Variants in VTI1A observed in about 807,000 individuals in gnomAD.
VTI1A encodes the protein vesicle transport through interaction with t-SNAREs 1A, also known as vesicle transport through interaction with t-SNAREs homolog 1A.
A neutral mutation model predicts 34.9 loss-of-function variants in VTI1A; 22 were observed. That is an observed-to-expected ratio of 0.63 (90% CI 0.45 to 0.90). The LOEUF is 0.90. Among genes scored for constraint, VTI1A ranks in the 40% least tolerant of loss-of-function variants. The pLI is 0.00. For synonymous variants in VTI1A, 87 were observed against 97.3 expected (o/e 0.89, Z 0.62); for missense variants, 268 against 275.6 (o/e 0.97, Z 0.20).
chr10:112,826,681 C>T, the VTI1A span: 1 of 152,282 alleles, frequency 6.6e-6, no homozygotes, highest in South Asian at 2.1e-4. Flanking sequence ...TAGAGACATC[C>T]TCCTTTTGGG....
At chr10:112,792,831 C>A (rs1308852706) in intron 7 of VTI1A, among the ~76,000 whole-genome samples, 2 of 152,204 alleles carry the variant, frequency 1.3e-5, no homozygotes, top group African/African-American at 4.8e-5. Context: ...ACGTAGGCTG[C>A]TCAACACCCT....
chr10:112,494,633 C>A (rs905348353), intron 3 of VTI1A, among the ~76,000 whole-genome samples: 1 of 152,072 alleles, frequency 6.6e-6, no homozygotes, highest in Non-Finnish European at 1.5e-5. Context: ...CTCAGCCTCC[C>A]GAGTAGCTGG....
At chr10:112,755,873 T>C (rs4402225) in intron 7 of VTI1A, among the ~76,000 whole-genome samples, 58,938 of 151,998 alleles carry the variant, frequency 0.39, 11,673 homozygotes, top group East Asian at 0.49. Flanking sequence ...CTGCAGTCTC[T>C]GGCTTGACTT....
intron 5 of VTI1A, among the ~76,000 whole-genome samples, chr10:112,597,708 TTTTTTTTGAGACGGAGTC>T (rs1293703086): frequency 7.0e-6 from 1 of 142,852 alleles, no homozygotes; most frequent in African/African-American, 2.6e-5. Context: ...TTTTTTTTTT[TTTTTTTTGAGACGGAGTC>T]TCGCTCTGTC....
intron 3 of VTI1A, among the ~76,000 whole-genome samples, chr10:112,472,058 G>C (rs1848109059): frequency 6.6e-6 from 1 of 152,182 alleles, no homozygotes; most frequent in African/African-American, 2.4e-5. Flanking sequence ...TATGATGCTA[G>C]CACCATCTTG....
rs1352412623 is a variant in VTI1A at position 112,594,760 on chromosome 10, C to T, written c.427+56430C>T. ...CCAAGGTAATTTATAGATTCAATGC[C>T]ATCCCCATCAAGCTACCAATGACTT... On this transcript the variant is annotated intron_variant, in intron 5 of 7. Transcript: ENST00000393077. Among the ~76,000 whole-genome samples, 5 of 151,274 alleles carry T rather than the reference C, an allele frequency of 3.3e-5. No homozygotes were observed. The East Asian group carries it at 9.7e-4, about 29-fold the overall frequency.
chr10:112,654,286 T>C (rs1847144444), intron 5 of VTI1A, among the ~76,000 whole-genome samples: 1 of 152,210 alleles, frequency 6.6e-6, no homozygotes, highest in Admixed American at 6.5e-5. Flanking sequence ...AATCCACATT[T>C]ACTTAGCCTT....
intron 5 of VTI1A, among the ~76,000 whole-genome samples, chr10:112,551,554 C>T (rs73365069): frequency 1.4e-3 from 214 of 152,234 alleles, no homozygotes; most frequent in African/African-American, 5.0e-3. Flanking sequence ...GATTTCATAT[C>T]ATTTAGGAAG....
intron 5 of VTI1A, among the ~76,000 whole-genome samples, chr10:112,649,042 G>C (rs1008710166): frequency 3.9e-5 from 6 of 151,974 alleles, no homozygotes; most frequent in Non-Finnish European, 7.4e-5. Context: ...GTGGAGAATG[G>C]GATTTGCCAG....
chr10:112,558,693 T>C (rs949909010), intron 5 of VTI1A, among the ~76,000 whole-genome samples: 2 of 152,204 alleles, frequency 1.3e-5, no homozygotes, highest in Non-Finnish European at 2.9e-5. Context: ...AGTGTGGAGA[T>C]AAGCTGATTA....
intron 5 of VTI1A, among the ~76,000 whole-genome samples, chr10:112,594,402 T>C (rs957713310): frequency 1.8e-4 from 27 of 152,060 alleles, no homozygotes; most frequent in African/African-American, 6.3e-4. Flanking sequence ...TGATTGTATA[T>C]CTAGAAAACC....
chr10:112,626,071 CT>C (rs540099068), intron 5 of VTI1A, among the ~76,000 whole-genome samples: 9 of 151,078 alleles, frequency 6.0e-5, no homozygotes, highest in East Asian at 1.9e-4. Context: ...AAACTGCATC[CT>C]TTTTTTTTGT....
intron 5 of VTI1A, among the ~76,000 whole-genome samples, chr10:112,555,547 C>G (rs1213456006): frequency 6.6e-6 from 1 of 151,968 alleles, no homozygotes; most frequent in African/African-American, 2.4e-5. Flanking sequence ...CAGTTGTACC[C>G]ATTTCAGCAA....
At chr10:112,496,185 A>ACAC (rs1849011433) in intron 3 of VTI1A, among the ~76,000 whole-genome samples, 1 of 27,838 alleles carries the variant, frequency 3.6e-5, no homozygotes, top group Non-Finnish European at 6.6e-5. Flanking sequence ...AAATGGGGAG[A>ACAC]CCCCCCCCCC....
intron 7 of VTI1A, among the ~76,000 whole-genome samples, chr10:112,754,563 A>G (rs561498762): frequency 1.1e-4 from 17 of 152,364 alleles, no homozygotes; most frequent in Middle Eastern, 3.4e-3. Flanking sequence ...TAAAACTTTG[A>G]TGATATAAAG....
At chr10:112,707,486 C>T (rs1849241780) in intron 7 of VTI1A, among the ~76,000 whole-genome samples, 1 of 151,946 alleles carries the variant, frequency 6.6e-6, no homozygotes, top group Non-Finnish European at 1.5e-5. Flanking sequence ...GGCACGCGCC[C>T]CCATGCCTGG....
At chr10:112,854,018 C>A in the VTI1A span, among the ~76,000 whole-genome samples, 6 of 152,242 alleles carry the variant, frequency 3.9e-5, no homozygotes, top group East Asian at 1.2e-3. Context: ...CCAGGCCTCC[C>A]TTCTTCTCCA....
chr10:112,578,501 A>T (rs928600736), intron 5 of VTI1A, among the ~76,000 whole-genome samples: 1 of 152,204 alleles, frequency 6.6e-6, no homozygotes. Context: ...TTCATTGAGT[A>T]GCCAGTCAAA....
At chr10:112,531,018 C>G (rs1850402953) in intron 4 of VTI1A, among the ~76,000 whole-genome samples, 1 of 150,204 alleles carries the variant, frequency 6.7e-6, no homozygotes, top group Admixed American at 6.7e-5. Flanking sequence ...GTCGCGTTAT[C>G]AGCTTTAAAA....
Sources: gnomAD v4.1 joint callset for allele counts (sites outside exome capture counted in the v4.1 genomes callset) on GRCh38, gnomAD v4.1.1 for gene constraint, MANE v1.5 for transcripts, NCBI Gene and HGNC (gene_info 2026-07-23, HGNC 2026-07-21) for gene names.